The following APOO variants were observed in gnomAD, a reference collection of about 807,000 sequenced individuals.
APOO encodes apolipoprotein O.
Under a neutral mutation model 23.1 loss-of-function variants are expected in APOO, and 11 were observed. The ratio of observed to expected loss-of-function variants is 0.48; its 90% CI spans 0.30 to 0.79. The LOEUF is 0.79. APOO is among the 30% of genes least tolerant of loss of function. APOO has a pLI of 0.07. For missense variants in APOO, 160 were observed against 142.7 expected, an observed-to-expected ratio of 1.12 and a Z score of -0.62; for synonymous variants, 59 against 54.8, an observed-to-expected ratio of 1.08 and a Z score of -0.34.
intron 5 of APOO, among the ~76,000 whole-genome samples, chrX:23,864,866 C>T (rs1002272635): frequency 1.8e-5 from 2 of 111,463 alleles, no homozygotes; most frequent in Non-Finnish European, 1.9e-5. Context: ...TGAAGCAGCT[C>T]ACCCAAGTGA....
chrX:23,862,920 GA>G (rs1925147691), intron 5 of APOO, among the ~76,000 whole-genome samples: 1 of 59,415 alleles, frequency 1.7e-5, no homozygotes, highest in African/African-American at 6.3e-5. Context: ...GAGAAGGAGG[GA>G]AGGGGAGAGA....
intron 7 of APOO, among the ~76,000 whole-genome samples, chrX:23,854,775 G>C (rs1379530951): frequency 9.1e-6 from 1 of 110,458 alleles, no homozygotes; most frequent in African/African-American, 3.3e-5. Context: ...CACCCGCCTC[G>C]GCCTCCCAAA....
chrX:23,856,367 A>C lies in APOO; in HGVS notation c.496T>G (p.Leu166Val), dbSNP rs75916244. The change falls in exon 7 of 9, where the codon TTA becomes GTA. Residue 166 changes from leucine (L) to valine (V), a missense_variant. Physicochemically the swap from Leu to Val is conservative, Grantham distance 32 (BLOSUM62 1). Coordinates refer to ENST00000379226, the MANE Select transcript of APOO (RefSeq NM_024122.5). ...TATCCTCGTAAACCCCAGTCATATA[A>C]TCTCTCCCCACTGACCTTAAAACAA... ...IVFAQVSGER[L>V]YDWGLRGYIV... 4,530 of 1,205,637 alleles carry C rather than the reference A, an allele frequency of 3.8e-3. 134 individuals are homozygous for C. In the African/African-American group the frequency reaches 0.07, roughly 19 times the overall value.
chrX:23,869,631 T>A, intron 4 of APOO, among the ~76,000 whole-genome samples: 1 of 65,390 alleles, frequency 1.5e-5, no homozygotes, highest in African/African-American at 6.4e-5. Context: ...AGACACAGCC[T>A]CTTAAAAAGA....
rs746494270 is a variant in APOO at position 23,874,382 on chromosome X, C to T, written c.292+21G>A. The T allele has an allele frequency of 2.1e-5, 25 of 1,191,591 alleles. No individual in the cohort carries two copies. In the South Asian group the frequency reaches 3.2e-4, roughly 15 times the overall value. On this transcript the variant is annotated intron_variant, in intron 4 of 8. Transcript: ENST00000379226. ...AATGTTAATGAAGTAGCTGATTATG[C>T]CTAATTTAAAATCAACTTACCTAAC...
rs1188953586 is a variant in APOO, at chrX:23,907,675, C to G, written c.9+19G>C. 1.7e-6 allele frequency: 2 copies of G among 1,156,431 alleles called. No homozygotes were observed. The highest frequency in any genetic ancestry group is 2.3e-6 in the Non-Finnish European group (2 of 868,695). ...CGGGAGGGGGCGGTGACAGCTGTGACTCGACTCCACGCTCTCACCTTGAAC... is the reference window on the plus strand; with the variant it reads ...CGGGAGGGGGCGGTGACAGCTGTGAGTCGACTCCACGCTCTCACCTTGAAC... On this transcript the variant is annotated intron_variant, in intron 1 of 8. Transcript: ENST00000379226.
intron 7 of APOO, 127 bp downstream of exon 7, chrX:23,856,175 G>A: frequency 2.9e-6 from 2 of 688,374 alleles, no homozygotes; most frequent in Non-Finnish European, 4.4e-6. Context: ...AAAAATCTGA[G>A]CTGGAGACAG....
intron 1 of APOO, among the ~76,000 whole-genome samples, chrX:23,881,947 CAAAAAAAAAAAAAA>C (rs56820853): frequency 1.3e-3 from 41 of 31,814 alleles, no homozygotes; most frequent in African/African-American, 5.1e-3. Flanking sequence ...GACTCCACCT[CAAAAAAAAAAAAAA>C]AAAAAAAAAA....
chrX:23,833,809 C>T (rs1923524786), intron 8 of APOO, among the ~76,000 whole-genome samples, 197 bp from the exon 9 acceptor site: 1 of 110,069 alleles, frequency 9.1e-6, no homozygotes, highest in African/African-American at 3.3e-5. Flanking sequence ...TGGTGAAACC[C>T]CGTCTCTACT....
intron 7 of APOO, among the ~76,000 whole-genome samples, chrX:23,845,755 C>T (rs772505319): frequency 8.9e-6 from 1 of 112,241 alleles, no homozygotes; most frequent in East Asian, 2.8e-4. Flanking sequence ...GCTGCTGCTT[C>T]CCTTTCATTT....
intron 7 of APOO, among the ~76,000 whole-genome samples, chrX:23,851,235 G>A (rs898854209): frequency 3.7e-5 from 4 of 108,748 alleles, no homozygotes; most frequent in South Asian, 3.9e-4. Flanking sequence ...GTTCTGTCGC[G>A]CAGGCTGGAG....
intron 1 of APOO, among the ~76,000 whole-genome samples, chrX:23,889,703 C>T (rs1027351012): frequency 2.0e-5 from 2 of 101,355 alleles, no homozygotes; most frequent in African/African-American, 7.3e-5. Context: ...CGCTCTGTCG[C>T]CCAGGCTGGA....
At chrX:23,851,877 T>A (rs138621334) in intron 7 of APOO, among the ~76,000 whole-genome samples, 320 of 112,161 alleles carry the variant, frequency 2.9e-3, no homozygotes, top group African/African-American at 0.01. Flanking sequence ...CCGTTAAGAA[T>A]TGTGCCATCA....
intron 5 of APOO, among the ~76,000 whole-genome samples, chrX:23,859,459 T>C (rs975129351): frequency 1.3e-4 from 14 of 110,336 alleles, no homozygotes; most frequent in African/African-American, 4.6e-4. Context: ...TTTTTTTTTT[T>C]TGAGACAGAG....
At chrX:23,892,004 G>C (rs1926677001) in intron 1 of APOO, among the ~76,000 whole-genome samples, 1 of 109,582 alleles carries the variant, frequency 9.1e-6, no homozygotes, top group Non-Finnish European at 1.9e-5. Context: ...GTTTTTATGA[G>C]ATTCTCTACC....
intron 1 of APOO, among the ~76,000 whole-genome samples, chrX:23,893,129 A>G (rs951084992): frequency 6.4e-5 from 7 of 110,127 alleles, no homozygotes; most frequent in Non-Finnish European, 1.3e-4. Context: ...TGAAAAATCA[A>G]GAGAAAGGCC....
intron 7 of APOO, among the ~76,000 whole-genome samples, chrX:23,852,641 A>G (rs1012833778): frequency 1.8e-5 from 2 of 109,448 alleles, no homozygotes; most frequent in African/African-American, 6.7e-5. Context: ...GAATTAGATG[A>G]TACTTAATTG....
chrX:23,882,082 C>T (rs1445713020), intron 1 of APOO, among the ~76,000 whole-genome samples: 5 of 110,643 alleles, frequency 4.5e-5, no homozygotes, highest in African/African-American at 1.6e-4. Flanking sequence ...GTGATGGGCA[C>T]AAACCACATG....
At chrX:23,867,046 G>A (rs192486621) in intron 5 of APOO, among the ~76,000 whole-genome samples, 1 of 110,553 alleles carries the variant, frequency 9.0e-6, no homozygotes, top group Admixed American at 9.8e-5. Flanking sequence ...GGTGCAGTGA[G>A]CCGAGATTGT....
Sources: allele counts gnomAD v4.1 joint callset (sites outside exome capture counted in the v4.1 genomes callset), GRCh38; gene constraint gnomAD v4.1.1; transcripts MANE v1.5; gene names NCBI Gene and HGNC (gene_info 2026-07-23, HGNC 2026-07-21).